The following IPO11 variants were observed in gnomAD, a reference collection of about 807,000 sequenced individuals.
The protein encoded by IPO11 is importin 11.
In IPO11, 66 loss-of-function variants were observed where a neutral mutation model predicts 143.2. The ratio of observed to expected loss-of-function variants is 0.46; its 90% confidence interval spans 0.38 to 0.57. The LOEUF is 0.57. Ranked by LOEUF, IPO11 falls within the 20% of genes least tolerant of loss-of-function variation. The probability of loss-of-function intolerance (pLI) is 0.00; values close to 1 mark genes in which losing one functional copy is unlikely to be tolerated. For missense variants in IPO11, 1,026 were observed against 1,141.0 expected (o/e 0.90, Z 1.45); for synonymous variants, 385 against 377.8 (o/e 1.02, Z -0.22).
At chr5:62,470,722 A>G (rs1215213962) in intron 7 of IPO11, among the ~76,000 whole-genome samples, 4 of 151,640 alleles carry the variant, frequency 2.6e-5, no homozygotes, top group African/African-American at 7.3e-5. Context: ...GCTGTTCACA[A>G]TCAATTAAAA....
rs1192230594 is a variant in IPO11 at position 62,443,379 on chromosome 5, TTGAGTGTG to T, written c.239+299_239+306del. 6.3e-3 allele frequency: 1,401 copies of T among 221,232 alleles called. 20 individuals carry two copies. The highest frequency in any genetic ancestry group is 0.04 in the African/African-American group (1,347 of 33,714). The allele number at this position is 221,232 out of a possible 1,614,324, so 13.7% of individuals were successfully genotyped here. ...TATTGTTTTCTTCATGGTTTTCCAT[TTGAGTGTG>T]TGTGTGTGTGTGTGTGTGTGTGTGT... is the stretch of plus-strand genomic sequence containing the variant. On this transcript the variant is annotated intron_variant, in intron 3 of 29. Transcript: ENST00000325324.
intron 2 of IPO11, among the ~76,000 whole-genome samples, chr5:62,439,833 T>C (rs1375756745): frequency 6.6e-6 from 1 of 152,218 alleles, no homozygotes; most frequent in Middle Eastern, 3.2e-3. Context: ...ACATTTGATC[T>C]TACCTAGCTG....
intron 18 of IPO11, among the ~76,000 whole-genome samples, 166 bp downstream of exon 18, chr5:62,505,064 T>G (rs1741508032): frequency 6.6e-6 from 1 of 152,144 alleles, no homozygotes; most frequent in Non-Finnish European, 1.5e-5. Flanking sequence ...TTGTAAACTG[T>G]TTTGGTAACT....
At chr5:62,466,028 C>T (rs1357278680) in intron 5 of IPO11, among the ~76,000 whole-genome samples, 27 of 152,320 alleles carry the variant, frequency 1.8e-4, no homozygotes, top group Non-Finnish European at 1.5e-5. Flanking sequence ...TATACCTCTT[C>T]AGAACCTGAG....
intron 16 of IPO11, among the ~76,000 whole-genome samples, chr5:62,501,282 C>G (rs547265422): frequency 6.6e-6 from 1 of 152,222 alleles, no homozygotes; most frequent in Non-Finnish European, 1.5e-5. Context: ...ATCTTGATCT[C>G]TCAACTAGTC....
chr5:62,513,436 G>A (rs1335936314), intron 19 of IPO11, among the ~76,000 whole-genome samples: 3 of 100,492 alleles, frequency 3.0e-5, no homozygotes, highest in South Asian at 3.8e-4. Context: ...CCTCCCTCCC[G>A]GACGGAGCGG....
At chr5:62,446,335 CACAT>C (rs1250881029) in intron 3 of IPO11, among the ~76,000 whole-genome samples, 1 of 152,178 alleles carries the variant, frequency 6.6e-6, no homozygotes, top group African/African-American at 2.4e-5. Flanking sequence ...TATTTATAGT[CACAT>C]GTGTGTTCAA....
chr5:62,449,327 A>G (rs1416009601), intron 3 of IPO11, among the ~76,000 whole-genome samples: 1 of 152,178 alleles, frequency 6.6e-6, no homozygotes, highest in Non-Finnish European at 1.5e-5. Context: ...CAAAATTATT[A>G]GTATTGTGTT....
chr5:62,422,610 C>G (rs1416764447), intron 1 of IPO11: 1 of 152,104 alleles, frequency 6.6e-6, no homozygotes, highest in Non-Finnish European at 1.5e-5. Context: ...TATAACTTTT[C>G]TTATTAGGGG....
chr5:62,444,824 G>T (rs930087710), intron 3 of IPO11, among the ~76,000 whole-genome samples: 1 of 151,810 alleles, frequency 6.6e-6, no homozygotes, highest in East Asian at 1.9e-4. Flanking sequence ...AGCCAAGAAC[G>T]TGCCACTGCA....
chr5:62,415,203 A>C (rs1368279300), intron 1 of IPO11, among the ~76,000 whole-genome samples: 3 of 152,002 alleles, frequency 2.0e-5, no homozygotes, highest in African/African-American at 7.2e-5. Context: ...TCTCACTGTC[A>C]CCTAGGCTGG....
At chr5:62,533,480 G>A (rs1343687168) in intron 22 of IPO11, among the ~76,000 whole-genome samples, 1 of 151,984 alleles carries the variant, frequency 6.6e-6, no homozygotes, top group Non-Finnish European at 1.5e-5. Flanking sequence ...TCAAAGTGCT[G>A]GGATTACAGG....
chr5:62,522,291 T>TTTTTTTGTTTTG lies in IPO11; in HGVS notation c.1897-3845_1897-3844insGTTTTGTTTTTT, dbSNP rs200703807. ...GGAGGCTTGCTGATTGTGGTGGGTT[T>TTTTTTTGTTTTG]TTTTTTTTTTTGAGACAGGATCTCA... On this transcript the variant is annotated intron_variant, in intron 20 of 29. Coordinates refer to ENST00000325324, the MANE Select transcript of IPO11 (RefSeq NM_016338.5). Among the ~76,000 whole-genome samples the TTTTTTTGTTTTG allele has an allele frequency of 4.9e-3, 734 of 150,618 alleles. 6 individuals are homozygous for TTTTTTTGTTTTG. Among genetic ancestry groups the TTTTTTTGTTTTG allele is most frequent in the African/African-American group, 0.017 (691 of 41,092 alleles).
At chr5:62,537,424 A>T (rs778149745) in intron 24 of IPO11, 135 bp downstream of exon 24, 15 of 601,014 alleles carry the variant, frequency 2.5e-5, no homozygotes, top group Non-Finnish European at 3.8e-5. Flanking sequence ...GGCAGTTTTC[A>T]GTTGGTTTAA....
intron 5 of IPO11, among the ~76,000 whole-genome samples, chr5:62,457,339 T>C (rs1326771139): frequency 6.6e-6 from 1 of 151,672 alleles, no homozygotes; most frequent in Non-Finnish European, 1.5e-5. Flanking sequence ...AATAAAAAAA[T>C]TAGGCATGGT....
In IPO11 at chr5:62,504,671, G is replaced by T; in HGVS notation, c.1595G>T (p.Arg532Leu). Residue 532 changes from arginine to leucine, a missense_variant, in exon 17 of 30, where the codon CGT becomes CTT. By Grantham distance (102) the Arg-to-Leu change is moderately radical. Around this residue, in one of 5 missense-constraint regions of IPO11, gnomAD observed 237 missense variants for 288.0 expected, o/e 0.82. Transcript: ENST00000325324. ...TAATGATATACTTTCTTTTAGGTCC[G>T]TATTGAAACAGCTACAACTTTGAAG... ...NLLQDQDLVVRIETATTLKLT... is the reference protein window; with the variant it reads ...NLLQDQDLVVLIETATTLKLT... 1 of 1,467,022 alleles carries T rather than the reference G, an allele frequency of 6.8e-7. No homozygotes were observed. The highest frequency in any genetic ancestry group is 9.4e-7 in the Non-Finnish European group (1 of 1,069,516). 90.9% of individuals were successfully genotyped at this position (1,467,022 alleles called of 1,614,324 possible).
At chr5:62,440,861 G>A (rs1317762256) in intron 2 of IPO11, among the ~76,000 whole-genome samples, 2 of 151,774 alleles carry the variant, frequency 1.3e-5, no homozygotes, top group East Asian at 4.0e-4. Context: ...TATTCGGGAG[G>A]TTGAGGAAGG....
chr5:62,490,054 C>T (rs916907694), intron 14 of IPO11, 61 bp from the exon 15 acceptor site: 3 of 865,128 alleles, frequency 3.5e-6, no homozygotes, highest in Middle Eastern at 3.0e-4. Context: ...ATGTTTCATA[C>T]ACTCATTTGC....
intron 9 of IPO11, among the ~76,000 whole-genome samples, chr5:62,478,074 T>G (rs1391522898): frequency 1.3e-5 from 2 of 152,144 alleles, no homozygotes; most frequent in Admixed American, 6.6e-5. Context: ...CTCCCACCCT[T>G]GCTGGTTATT....
Sources: gnomAD v4.1 joint callset for allele counts (sites outside exome capture counted in the v4.1 genomes callset) on GRCh38, gnomAD v4.1.1 for gene constraint, gnomAD v4.1.1 regional missense constraint, MANE v1.5 for transcripts, NCBI Gene and HGNC (gene_info 2026-07-23, HGNC 2026-07-21) for gene names.